KIF13A: variants seen among roughly 807,000 people sequenced by gnomAD.
KIF13A encodes kinesin family member 13A, also known as kinesin-like protein KIF13A.
Under a neutral mutation model 212.2 loss-of-function variants are expected in KIF13A, and 79 were observed. That is an observed-to-expected ratio of 0.37 (90% confidence interval 0.31 to 0.45). KIF13A has a LOEUF of 0.45. Among genes scored for constraint, KIF13A ranks in the 20% least tolerant of loss-of-function variants. The pLI, the probability that KIF13A is intolerant of heterozygous loss-of-function variation, is 1.00. For synonymous variants in KIF13A, 789 were observed against 808.6 expected (o/e 0.98, Z 0.41); for missense variants, 1,901 against 2,209.0 (o/e 0.86, Z 2.79).
intron 2 of KIF13A, among the ~76,000 whole-genome samples, chr6:17,960,216 C>G (rs17419352): frequency 0.022 from 3,420 of 152,008 alleles, 60 homozygotes; most frequent in South Asian, 0.048. Context: ...GGTTATGAGT[C>G]AAAGGGAAAA....
At chr6:17,795,400 T>C (rs1332245715) in intron 23 of KIF13A, among the ~76,000 whole-genome samples, 6 of 145,634 alleles carry the variant, frequency 4.1e-5, no homozygotes, top group East Asian at 2.0e-4. Flanking sequence ...CTGGCCAACA[T>C]GGTGAAACCC....
chr6:17,891,839 T>A (rs909079965), intron 3 of KIF13A, among the ~76,000 whole-genome samples: 1 of 152,164 alleles, frequency 6.6e-6, no homozygotes, highest in Non-Finnish European at 1.5e-5. Context: ...ACAGCACCAT[T>A]CATGAATCCA....
chr6:17,823,373 G>C (rs1764640224), intron 16 of KIF13A, among the ~76,000 whole-genome samples: 1 of 150,912 alleles, frequency 6.6e-6, no homozygotes, highest in Admixed American at 6.6e-5. Context: ...GTTTTTCACA[G>C]TCTGGCTGGC....
intron 3 of KIF13A, among the ~76,000 whole-genome samples, chr6:17,876,623 G>T (rs901234676): frequency 6.6e-6 from 1 of 150,646 alleles, no homozygotes; most frequent in Non-Finnish European, 1.5e-5. Context: ...GTGTGAGACA[G>T]CATTCATTCA....
At chr6:17,864,106 G>C (rs1277920800) in intron 4 of KIF13A, among the ~76,000 whole-genome samples, 1 of 152,186 alleles carries the variant, frequency 6.6e-6, no homozygotes, top group Non-Finnish European at 1.5e-5. Context: ...TGGGAAGCAG[G>C]AGGATCTATG....
intron 16 of KIF13A, among the ~76,000 whole-genome samples, chr6:17,818,158 A>G (rs1294006732): frequency 1.3e-5 from 2 of 152,168 alleles, no homozygotes. Flanking sequence ...CACAGTTAAT[A>G]TTTCCCAGAA....
intron 2 of KIF13A, among the ~76,000 whole-genome samples, chr6:17,969,305 C>T (rs745671943): frequency 3.3e-5 from 5 of 152,188 alleles, no homozygotes; most frequent in African/African-American, 9.7e-5. Flanking sequence ...TACCTCCAAT[C>T]GTGATATCTT....
In KIF13A at chr6:17,850,510, C is replaced by T. The variant is rs1434014963; in HGVS notation, c.583-53G>A. On this transcript the variant is annotated intron_variant, in intron 7 of 38. Transcript: ENST00000259711. The surrounding 1 kb of genome is among the most constrained non-coding windows in gnomAD (Gnocchi z 6.2). ...ATAAGCAAAAACACAAGAATGTAGT[C>T]CTGCACACCAGGTATATGTATTAAT... 13 of 1,536,396 alleles carry T rather than the reference C, an allele frequency of 8.5e-6. No homozygotes were observed. The East Asian group carries it at 2.8e-4, about 33-fold the overall frequency.
chr6:17,891,483 T>G (rs1307578581), intron 3 of KIF13A, among the ~76,000 whole-genome samples: 1 of 152,140 alleles, frequency 6.6e-6, no homozygotes, highest in African/African-American at 2.4e-5. Flanking sequence ...AAAAAATAAT[T>G]TTTAAGAGTT....
intron 2 of KIF13A, among the ~76,000 whole-genome samples, chr6:17,986,469 T>C (rs1475131574): frequency 6.6e-6 from 1 of 152,224 alleles, no homozygotes; most frequent in African/African-American, 2.4e-5. Context: ...TTTTGTTTCT[T>C]TGAAAATCAA....
At chr6:17,959,233 T>C (rs1423653165) in intron 2 of KIF13A, among the ~76,000 whole-genome samples, 3 of 152,162 alleles carry the variant, frequency 2.0e-5, no homozygotes, top group African/African-American at 4.8e-5. Flanking sequence ...CAAGCAAAAC[T>C]GACATCATGC....
intron 9 of KIF13A, among the ~76,000 whole-genome samples, chr6:17,844,669 C>T (rs149967937): frequency 6.6e-6 from 1 of 152,174 alleles, no homozygotes. Context: ...ATTCTTCCAA[C>T]GATGTGGCTA....
intron 19 of KIF13A, 113 bp from the exon 20 acceptor site, chr6:17,804,623 A>T (rs903953895): frequency 9.5e-7 from 1 of 1,053,318 alleles, no homozygotes; most frequent in Non-Finnish European, 1.3e-6. Flanking sequence ...ATCCATTTAA[A>T]CAGCAAGTAA....
rs1776279739 is a variant in KIF13A at position 17,934,435 on chromosome 6, T to C, written c.147-36255A>G. ...CAAAGCTAAAAAGCCAAATGAAATA[T>C]TCCAGCAGGTAGTATTCTAAAATCA... On this transcript the variant is annotated intron_variant, in intron 2 of 38. Transcript: ENST00000259711. The surrounding 1 kb of genome is among the most constrained non-coding windows in gnomAD (Gnocchi z 5.4). Among the ~76,000 whole-genome samples, 2 of 152,164 alleles carry C rather than the reference T, an allele frequency of 1.3e-5. No individual in the cohort carries two copies. The highest frequency in any genetic ancestry group is 2.9e-5 in the Non-Finnish European group (2 of 68,026).
Position 17,764,532 on chromosome 6 carries a change from C to A in KIF13A, c.4996G>T (p.Val1666Leu). The A allele has an allele frequency of 6.2e-7, 1 of 1,613,990 alleles. No homozygotes were observed. Among genetic ancestry groups the A allele is most frequent in the Non-Finnish European group, 8.5e-7 (1 of 1,179,884 alleles). Residue 1666 changes from valine (V) to leucine (L), a missense_variant, in exon 39 of 39, where the codon GTG (valine) becomes TTG (leucine). Transcript: ENST00000259711. This position sits in a 1 kb window ranked among gnomAD's most constrained non-coding sequence, Gnocchi z 5.1. Reference sequence around the variant, plus strand: ...GCACTGTTTTCCTTGAGTGGCACCACAATTATCTTGTCCTTTACCAAGCCT... The same window carrying A: ...GCACTGTTTTCCTTGAGTGGCACCAAAATTATCTTGTCCTTTACCAAGCCT... ...EKGLVKDKII[V>L]VPLKENSALA...
chr6:17,859,924 T>C (rs1033340838), intron 4 of KIF13A, among the ~76,000 whole-genome samples: 2 of 151,910 alleles, frequency 1.3e-5, no homozygotes, highest in Non-Finnish European at 2.9e-5. Context: ...TTCTATATTA[T>C]TGAATCCTCA....
At chr6:17,910,565 A>AT (rs924733452) in intron 2 of KIF13A, among the ~76,000 whole-genome samples, 10 of 149,268 alleles carry the variant, frequency 6.7e-5, no homozygotes, top group South Asian at 6.5e-4. Flanking sequence ...TAGTAAGACA[A>AT]TTTTTTTTAA....
chr6:17,985,098 A>C (rs1421215086), intron 2 of KIF13A, among the ~76,000 whole-genome samples: 1 of 152,224 alleles, frequency 6.6e-6, no homozygotes, highest in South Asian at 2.1e-4. Flanking sequence ...TTGACTACTC[A>C]GTTTGTCTGT....
In KIF13A at chr6:17,987,585, A is replaced by T. The variant is rs1223473019; in HGVS notation, c.-122T>A. The T allele has an allele frequency of 5.0e-6, 2 of 399,514 alleles. No individual in the cohort carries two copies. Among genetic ancestry groups the T allele is most frequent in the African/African-American group, 2.3e-5 (1 of 44,380 alleles). The allele number at this position is 399,514 out of a possible 1,614,324, so 24.7% of individuals were successfully genotyped here. A position where few individuals can be genotyped will look rare whatever the true frequency, so the allele number is the denominator to read the frequency against. ...GCGCGGCCGCCGCCGCTCCGCCGTG[A>T]GCTCCGAGAGGCAGCGCCGAGGCGC... is the stretch of plus-strand genomic sequence containing the variant. On this transcript the variant is annotated 5_prime_UTR_variant, in exon 1 of 39. Coordinates refer to ENST00000259711, the MANE Select transcript of KIF13A (RefSeq NM_022113.6). This position sits in a 1 kb window ranked among gnomAD's most constrained non-coding sequence, Gnocchi z 7.7.
Sources: allele counts gnomAD v4.1 joint callset (sites outside exome capture counted in the v4.1 genomes callset), GRCh38; gene constraint gnomAD v4.1.1; non-coding constraint Gnocchi (gnomAD v3.1); transcripts MANE v1.5; gene names NCBI Gene and HGNC (gene_info 2026-07-23, HGNC 2026-07-21).